The following COMMD10 variants were observed in gnomAD, a reference collection of about 807,000 sequenced individuals.
COMMD10 encodes COMM domain-containing protein 10.
In COMMD10, 33 loss-of-function variants were observed where a neutral mutation model predicts 28.9. The observed-to-expected ratio is 1.14, with a 90% CI of 0.87 to 1.53. The LOEUF is 1.53. Among genes scored for constraint, COMMD10 ranks in the 40% most tolerant of loss-of-function variants. The probability of loss-of-function intolerance (pLI) is 0.00; values close to 1 mark genes in which losing one functional copy is unlikely to be tolerated. For synonymous variants in COMMD10, 110 were observed against 81.7 expected, an observed-to-expected ratio of 1.35 and a Z score of -1.87; for missense variants, 310 against 233.4, an observed-to-expected ratio of 1.33 and a Z score of -2.14.
At chr5:116,123,958 TTTC>T (rs1473999519) in intron 4 of COMMD10, among the ~76,000 whole-genome samples, 5 of 152,116 alleles carry the variant, frequency 3.3e-5, no homozygotes, top group African/African-American at 1.2e-4. Flanking sequence ...TCTTCTCGCT[TTTC>T]TTCTTTATTA....
At chr5:116,089,492 G>A (rs1368765334) in intron 2 of COMMD10, among the ~76,000 whole-genome samples, 9 of 152,196 alleles carry the variant, frequency 5.9e-5, no homozygotes, top group Admixed American at 5.9e-4. Context: ...TATGGGACAA[G>A]AAACTCTTAT....
chr5:116,160,228 T>C (rs1374284962), intron 5 of COMMD10, among the ~76,000 whole-genome samples: 1 of 152,226 alleles, frequency 6.6e-6, no homozygotes, highest in Non-Finnish European at 1.5e-5. Context: ...GATATACGTG[T>C]TACAGAATTG....
chr5:116,124,522 G>A (rs1038804449), intron 4 of COMMD10, among the ~76,000 whole-genome samples: 7 of 152,162 alleles, frequency 4.6e-5, no homozygotes, highest in African/African-American at 1.7e-4. Context: ...TTGCGATGCG[G>A]TGCTGAGAAG....
intron 5 of COMMD10, among the ~76,000 whole-genome samples, chr5:116,202,861 C>G (rs1436786439): frequency 2.0e-5 from 3 of 152,094 alleles, no homozygotes; most frequent in East Asian, 1.9e-4. Context: ...ATGGTAGTTT[C>G]TTTTGCTGTG....
At chr5:116,273,062 C>G (rs1259093815) in intron 5 of COMMD10, among the ~76,000 whole-genome samples, 2 of 151,860 alleles carry the variant, frequency 1.3e-5, no homozygotes, top group South Asian at 2.1e-4. Flanking sequence ...ATTTCACCCA[C>G]AATTCATCTT....
intron 5 of COMMD10, among the ~76,000 whole-genome samples, chr5:116,196,180 C>A (rs1426320699): frequency 6.6e-6 from 1 of 152,158 alleles, no homozygotes; most frequent in African/African-American, 2.4e-5. Context: ...AGTCATGGAA[C>A]CAACCCAAAT....
intron 5 of COMMD10, among the ~76,000 whole-genome samples, chr5:116,205,296 T>C (rs1204852873): frequency 6.6e-6 from 1 of 152,124 alleles, no homozygotes; most frequent in Non-Finnish European, 1.5e-5. Context: ...TTCCTAGCAA[T>C]ATAAAAGAAT....
At chr5:116,098,503 G>A (rs764478734) in intron 4 of COMMD10, among the ~76,000 whole-genome samples, 2 of 152,160 alleles carry the variant, frequency 1.3e-5, no homozygotes, top group African/African-American at 2.4e-5. Context: ...ACTTGAATTT[G>A]CCATGTGCTG....
chr5:116,251,919 A>G (rs532624131), intron 5 of COMMD10, among the ~76,000 whole-genome samples: 1 of 150,230 alleles, frequency 6.7e-6, no homozygotes, highest in East Asian at 2.0e-4. Flanking sequence ...AACAATGTAA[A>G]AGTGTTCCTA....
intron 5 of COMMD10, among the ~76,000 whole-genome samples, chr5:116,253,512 G>A (rs1020294873): frequency 1.4e-5 from 2 of 145,756 alleles, no homozygotes; most frequent in Non-Finnish European, 3.0e-5. Context: ...ATGAAGCGTT[G>A]TTGAATTTTG....
intron 5 of COMMD10, among the ~76,000 whole-genome samples, chr5:116,162,611 T>C (rs1022676780): frequency 1.3e-5 from 2 of 152,204 alleles, no homozygotes; most frequent in African/African-American, 2.4e-5. Flanking sequence ...TCTCTATAAC[T>C]GAGCTTACCA....
chr5:116,269,229 A>C (rs1280312792), intron 5 of COMMD10, among the ~76,000 whole-genome samples: 2 of 151,898 alleles, frequency 1.3e-5, no homozygotes. Flanking sequence ...TCTTTATTAT[A>C]CACTTTATTT....
chr5:116,182,089 T>C (rs1365707273), intron 5 of COMMD10, among the ~76,000 whole-genome samples: 1 of 151,990 alleles, frequency 6.6e-6, no homozygotes, highest in Non-Finnish European at 1.5e-5. Flanking sequence ...CTATTTTAGG[T>C]GTAGTGATCT....
chr5:116,242,143 C>T (rs1749831549), intron 5 of COMMD10, among the ~76,000 whole-genome samples: 1 of 152,128 alleles, frequency 6.6e-6, no homozygotes, highest in African/African-American at 2.4e-5. Flanking sequence ...GTAGGTTTCA[C>T]AGAGAGACTC....
intron 5 of COMMD10, among the ~76,000 whole-genome samples, chr5:116,254,192 T>C (rs1327402702): frequency 1.3e-5 from 2 of 152,140 alleles, no homozygotes; most frequent in East Asian, 1.9e-4. Context: ...CTCTCTTTTT[T>C]TCTTTATCAT....
intron 5 of COMMD10, among the ~76,000 whole-genome samples, chr5:116,183,007 G>GT (rs1348863124): frequency 2.6e-5 from 4 of 152,196 alleles, no homozygotes; most frequent in Middle Eastern, 3.4e-3. Flanking sequence ...TGCCATGATT[G>GT]TAAGTTTCCT....
intron 5 of COMMD10, among the ~76,000 whole-genome samples, chr5:116,289,691 G>A (rs925396944): frequency 6.6e-6 from 1 of 151,832 alleles, no homozygotes; most frequent in Non-Finnish European, 1.5e-5. Context: ...GTTCTTCTTG[G>A]TTGCTCCGCT....
At chr5:116,158,878 G>C (rs1430508531) in intron 5 of COMMD10, among the ~76,000 whole-genome samples, 1 of 149,996 alleles carries the variant, frequency 6.7e-6, no homozygotes, top group East Asian at 2.0e-4. Flanking sequence ...CCTGAGGTCA[G>C]ACTAATTTAT....
chr5:116,238,900 G>A (rs1001113161), intron 5 of COMMD10, among the ~76,000 whole-genome samples: 6 of 152,062 alleles, frequency 3.9e-5, no homozygotes, highest in South Asian at 4.1e-4. Context: ...TTAGACGAAC[G>A]ATTTGGATGA....
Sources: gnomAD v4.1 joint callset for allele counts (sites outside exome capture counted in the v4.1 genomes callset) on GRCh38, gnomAD v4.1.1 for gene constraint, MANE v1.5 for transcripts, NCBI Gene and HGNC (gene_info 2026-07-23, HGNC 2026-07-21) for gene names.